Variants in ZSCAN29 observed in about 807,000 individuals in gnomAD.
ZSCAN29 encodes zinc finger and SCAN domain containing 29.
ZSCAN29 carries 55 observed loss-of-function variants against 71.9 expected under a neutral mutation model. That is an observed-to-expected ratio of 0.76 (90% confidence interval 0.62 to 0.96). The LOEUF (loss-of-function observed/expected upper bound fraction) is 0.96. ZSCAN29 is among the 40% of genes least tolerant of loss of function. ZSCAN29 has a pLI of 0.00. For missense variants in ZSCAN29, 1,042 were observed against 1,042.2 expected, an observed-to-expected ratio of 1.00 and a Z score of 0.00; for synonymous variants, 351 against 371.6, an observed-to-expected ratio of 0.94 and a Z score of 0.64.
In ZSCAN29 at chr15:43,361,031, A is replaced by G. The variant is rs371736070; in HGVS notation, c.*42T>C. 2 of 1,532,276 alleles carry G rather than the reference A, an allele frequency of 1.3e-6. No homozygotes were observed. The highest frequency in any genetic ancestry group is 1.8e-6 in the Non-Finnish European group (2 of 1,141,414). The allele number at this position is 1,532,276 out of a possible 1,614,324, so 94.9% of individuals were successfully genotyped here. ...TCACTATTGGAAGACTTTCTAAACA[A>G]TACATTTATTGAGCCTCTTTCCGTT... On this transcript the variant is annotated 3_prime_UTR_variant, in exon 6 of 6. Transcript: ENST00000684362.
intron 3 of ZSCAN29, 140 bp downstream of exon 3, chr15:43,368,783 C>T: frequency 1.4e-6 from 1 of 716,826 alleles, no homozygotes; most frequent in South Asian, 2.2e-5. Context: ...ATATGAATAC[C>T]AGAGGCTAAA....
At position 43,361,421 on chromosome 15, in the gene ZSCAN29, A is replaced by G. The variant is rs1185931767; in HGVS notation, c.2211T>C (p.Gly737=). The G allele has an allele frequency of 1.2e-6, 2 of 1,614,092 alleles. No individual in the cohort carries two copies. Among genetic ancestry groups the G allele is most frequent in the Admixed American group, 3.3e-5 (2 of 60,022 alleles). The change falls in exon 6 of 6, where the codon GGT becomes GGC. Residue 737 remains glycine, a synonymous_variant. Transcript: ENST00000684362. Reference sequence around the variant, plus strand: ...TCTGATTGAAGCATTTCCCACACTCACCACATTGATAAGGTTTCTCTCCTG... The same window carrying G: ...TCTGATTGAAGCATTTCCCACACTCGCCACATTGATAAGGTTTCTCTCCTG... ...IHTGEKPYQC[G]ECGKCFNQSS...
intron 4 of ZSCAN29, chr15:43,364,635 C>T (rs1005582995): frequency 1.9e-6 from 1 of 531,922 alleles, no homozygotes; most frequent in Non-Finnish European, 3.5e-6. Flanking sequence ...TGGCCAGGCA[C>T]AGTGGCTTAT....
rs3809481 is a variant in ZSCAN29 at position 43,370,631 on chromosome 15, G to A, written c.-186C>T. On this transcript the variant is annotated 5_prime_UTR_variant, in exon 1 of 6. Coordinates refer to ENST00000684362, the MANE Select transcript of ZSCAN29 (RefSeq NM_001372080.1). ...CGAGGACCATGGGGGCTTGGGGAGAGTCACATTGGGCAGGAGAGACGGAAT... is the reference window on the plus strand; with the variant it reads ...CGAGGACCATGGGGGCTTGGGGAGAATCACATTGGGCAGGAGAGACGGAAT... 0.22 allele frequency: 33,123 copies of A among 152,696 alleles called. 5,442 individuals are homozygous for A. Among genetic ancestry groups the A allele is most frequent in the African/African-American group, 0.46 (19,058 of 41,500 alleles). The allele number at this position is 152,696 out of a possible 1,614,324, so 9.5% of individuals were successfully genotyped here.
At position 43,366,144 on chromosome 15, in the gene ZSCAN29, G is replaced by C; in HGVS notation, c.1188C>G (p.Asn396Lys). Residue 396 changes from asparagine (N) to lysine (K), a missense_variant, in exon 4 of 6, where the codon AAC becomes AAG. Coordinates refer to ENST00000684362, the MANE Select transcript of ZSCAN29 (RefSeq NM_001372080.1). ...TTCTGAACACAACAGGTGCAGCTGA[G>C]TTGGGGTCCTGGGGGGTCGCCTCTA... ...MDLEATPQDP[N>K]SAAPVVFRSP... 6.2e-7 allele frequency: 1 copy of C among 1,613,656 alleles called. No homozygotes were observed. Among genetic ancestry groups the C allele is most frequent in the Non-Finnish European group, 8.5e-7 (1 of 1,179,806 alleles).
chr15:43,361,078 T>C lies in ZSCAN29; in HGVS notation c.2554A>G (p.Lys852Glu). The C allele has an allele frequency of 6.3e-7, 1 of 1,593,810 alleles. No homozygotes were observed. Among genetic ancestry groups the C allele is most frequent in the Non-Finnish European group, 8.6e-7 (1 of 1,167,228 alleles). Residue 852 changes from lysine (K) to glutamate (E), a missense_variant, in exon 6 of 6, where the codon AAG (lysine) becomes GAG (glutamate). By Grantham distance (56) the Lys-to-Glu change is moderately conservative. Coordinates refer to ENST00000684362, the MANE Select transcript of ZSCAN29 (RefSeq NM_001372080.1). ...CGTTATATATCCTCAGGGGCTTACT[T>C]GGGAGCTGACTGTGTCAGAAGCTTT... Reference protein sequence around the residue: ...REKLLTQSAPK With the variant: ...REKLLTQSAPE
chr15:43,363,163 G>C (rs2043999906), intron 5 of ZSCAN29, among the ~76,000 whole-genome samples: 1 of 152,114 alleles, frequency 6.6e-6, no homozygotes, highest in African/African-American at 2.4e-5. Context: ...ATTTTTAATA[G>C]AGATGGGGTT....
At chr15:43,368,520 C>T (rs1379199328) in intron 3 of ZSCAN29, among the ~76,000 whole-genome samples, 2 of 31,066 alleles carry the variant, frequency 6.4e-5, no homozygotes, top group South Asian at 1.4e-3. Flanking sequence ...AGCGAGACTC[C>T]GTCTCAAAAA....
chr15:43,361,437 TTCTC>T lies in ZSCAN29; in HGVS notation c.2191_2194del (p.Glu731AsnfsTer115), dbSNP rs1421830452. 6.2e-7 allele frequency: 1 copy of T among 1,613,732 alleles called. No homozygotes were observed. Among genetic ancestry groups the T allele is most frequent in the Non-Finnish European group, 8.5e-7 (1 of 1,179,588 alleles). On this transcript the variant is annotated frameshift_variant, in exon 6 of 6. Transcript: ENST00000684362. LOFTEE classifies it high-confidence loss of function. ...CCCACACTCACCACATTGATAAGGT[TTCTC>T]TCCTGTGTGGATTCTCCTATGGGTG...
intron 2 of ZSCAN29, 145 bp from the exon 3 acceptor site, chr15:43,369,272 C>G: frequency 1.3e-6 from 1 of 761,098 alleles, no homozygotes; most frequent in Non-Finnish European, 2.0e-6. Context: ...GAACAAGGGT[C>G]TTATTCCATT....
In ZSCAN29 at chr15:43,366,474, G is replaced by A. The variant is rs916858415; in HGVS notation, c.858C>T (p.Leu286=). 2 of 1,614,176 alleles carry A rather than the reference G, an allele frequency of 1.2e-6. No individual in the cohort carries two copies. Among genetic ancestry groups the A allele is most frequent in the Non-Finnish European group, 1.7e-6 (2 of 1,180,028 alleles). Residue 286 remains leucine (L), a synonymous_variant, in exon 4 of 6, where the codon CTC becomes CTT. Coordinates refer to ENST00000684362, the MANE Select transcript of ZSCAN29 (RefSeq NM_001372080.1). ...SQVYGAVAER[L]REYGFLRTLE... The stretch of plus-strand genomic sequence containing the variant: ...GGGTCCGGAGGAAGCCATATTCCCT[G>A]AGCCGCTCAGCCACAGCCCCATACA...
In ZSCAN29 at chr15:43,364,076, G is replaced by A. The variant is rs1257906463; in HGVS notation, c.1529C>T (p.Ala510Val). 1.9e-6 allele frequency: 3 copies of A among 1,614,154 alleles called. No homozygotes were observed. ...ACTGGTCCCCTGGACGGGGCAAGAAGCAGTCTCTTCCTGGCCATCATTGGG... is the reference window on the plus strand; with the variant it reads ...ACTGGTCCCCTGGACGGGGCAAGAAACAGTCTCTTCCTGGCCATCATTGGG... Reference protein sequence around the residue: ...APPNDGQEETASCPVQGTSEA... With the variant: ...APPNDGQEETVSCPVQGTSEA... Residue 510 changes from alanine to valine, a missense_variant, in exon 5 of 6, where the codon GCT (alanine) becomes GTT (valine). Ala to Val is a moderately conservative substitution (Grantham distance 64). Transcript: ENST00000684362.
At position 43,366,735 on chromosome 15, in the gene ZSCAN29, G is replaced by A. The variant is rs1461752013; in HGVS notation, c.597C>T (p.Gly199=). The A allele has an allele frequency of 9.9e-6, 16 of 1,614,080 alleles. No homozygotes were observed. The highest frequency in any genetic ancestry group is 1.3e-5 in the Non-Finnish European group (15 of 1,180,046). ...CACTTGGAAGTTCTTTCTCCTTAGA[G>A]CCCAGCAGATCTGGGATCCATGGCT... The part of the protein sequence containing the change: ...QGEPWIPDLL[G]SKEKELPSGS... Residue 199 remains glycine, a synonymous_variant, in exon 4 of 6, where the codon GGC becomes GGT. Transcript: ENST00000684362.
intron 3 of ZSCAN29, among the ~76,000 whole-genome samples, chr15:43,367,607 T>C (rs1339759014): frequency 2.0e-5 from 3 of 152,228 alleles, no homozygotes; most frequent in Non-Finnish European, 4.4e-5. Flanking sequence ...CAAGTCATTG[T>C]CTGGCACTGT....
Position 43,369,797 on chromosome 15 carries a change from G to C in ZSCAN29, c.117C>G (p.Leu39=), listed in dbSNP as rs1248956855. 1 of 1,614,256 alleles carries C rather than the reference G, an allele frequency of 6.2e-7. No individual in the cohort carries two copies. The highest frequency in any genetic ancestry group is 8.5e-7 in the Non-Finnish European group (1 of 1,180,054). ...VAGPREAFSQ[L]WELCCRWLRP... ...TTAGCCACCGACAGCAAAGTTCCCA[G>C]AGTTGGCTGAAAGCCTCCCGCGGCC... Residue 39 remains leucine (L), a synonymous_variant, in exon 2 of 6, where the codon CTC becomes CTG. Coordinates refer to ENST00000684362, the MANE Select transcript of ZSCAN29 (RefSeq NM_001372080.1).
chr15:43,361,609 C>T lies in ZSCAN29; in HGVS notation c.2023G>A (p.Glu675Lys). The T allele has an allele frequency of 1.2e-6, 2 of 1,614,204 alleles. No homozygotes were observed. The highest frequency in any genetic ancestry group is 1.6e-4 in the Middle Eastern group (1 of 6,062). ...LLMHQVSHQV[E>K]NPYKCADCGK... ...CAATCAGCACATTTATATGGATTTTCCACCTGGTGGGATACCTGATGCATG... is the reference window on the plus strand; with the variant it reads ...CAATCAGCACATTTATATGGATTTTTCACCTGGTGGGATACCTGATGCATG... Residue 675 changes from glutamate (E) to lysine (K), a missense_variant, in exon 6 of 6, where the codon GAA (glutamate) becomes AAA (lysine). Transcript: ENST00000684362.
chr15:43,361,311 CTG>C lies in ZSCAN29; in HGVS notation c.2319_2320del (p.Asn773LysfsTer5). 1 of 1,614,172 alleles carries C rather than the reference CTG, an allele frequency of 6.2e-7. No individual in the cohort carries two copies. The highest frequency in any genetic ancestry group is 1.1e-5 in the South Asian group (1 of 91,082). On this transcript the variant is annotated frameshift_variant, in exon 6 of 6. Transcript: ENST00000684362. LOFTEE classifies it high-confidence loss of function. ...CCTCCGATGTGCACTAAAATGAGAA[CTG>C]TTATTGAAGCTTTTTCCACACTCTT...
rs144156283 is a variant in ZSCAN29, at chr15:43,359,941, T to TTA, written c.*1130_*1131dup. 6.6e-6 allele frequency: 1 copy of TTA among 152,358 alleles called. No individual in the cohort carries two copies. Among genetic ancestry groups the TTA allele is most frequent in the African/African-American group, 2.4e-5 (1 of 41,584 alleles). The allele number at this position is 152,358 out of a possible 1,614,324, so 9.4% of individuals were successfully genotyped here. On this transcript the variant is annotated 3_prime_UTR_variant, in exon 6 of 6. Coordinates refer to ENST00000684362, the MANE Select transcript of ZSCAN29 (RefSeq NM_001372080.1). ...TCATAGGGCAGAACCAAGATGGACA[T>TTA]TAAACTCTCCTTCTTTAAGGTAAAT...
At chr15:43,362,813 T>G (rs1183843090) in intron 5 of ZSCAN29, among the ~76,000 whole-genome samples, 1 of 152,166 alleles carries the variant, frequency 6.6e-6, no homozygotes, top group Non-Finnish European at 1.5e-5. Context: ...TAGAATATAT[T>G]AATACCCCAT....
Sources: gnomAD v4.1 joint callset for allele counts (sites outside exome capture counted in the v4.1 genomes callset) on GRCh38, gnomAD v4.1.1 for gene constraint, MANE v1.5 for transcripts, NCBI Gene and HGNC (gene_info 2026-07-23, HGNC 2026-07-21) for gene names.